Variants in ALDH7A1 observed in about 807,000 individuals in gnomAD.
The protein encoded by ALDH7A1 is alpha-aminoadipic semialdehyde dehydrogenase.
ALDH7A1 carries 63 observed loss-of-function variants against 79.9 expected under a neutral mutation model. That is an observed-to-expected ratio of 0.79 (90% CI 0.64 to 0.97). The LOEUF (loss-of-function observed/expected upper bound fraction) is 0.97, where lower values mean the gene tolerates loss of function less well. Ranked by LOEUF, ALDH7A1 falls within the 50% of genes least tolerant of loss-of-function variation. The pLI, the probability that ALDH7A1 is intolerant of heterozygous loss-of-function variation, is 0.00. For missense variants in ALDH7A1, 627 were observed against 665.2 expected (o/e 0.94, Z 0.63); for synonymous variants, 240 against 231.2 (o/e 1.04, Z -0.34).
At position 126,575,527 on chromosome 5, in the gene ALDH7A1, T is replaced by G. The variant is rs2112792402; in HGVS notation, c.651-63A>C. 6.3e-6 allele frequency: 9 copies of G among 1,436,734 alleles called. No homozygotes were observed. In the South Asian group the frequency reaches 1.1e-4, roughly 18 times the overall value. The allele number at this position is 1,436,734 out of a possible 1,614,324, so 89.0% of individuals were successfully genotyped here. On this transcript the variant is annotated intron_variant, in intron 6 of 17. Coordinates refer to ENST00000409134, the MANE Select transcript of ALDH7A1 (RefSeq NM_001182.5). ...TTATTTGACGGAAACCATAAATACCTTTTATTATCAAACAGAAGCAAAAGT... is the reference window on the plus strand; with the variant it reads ...TTATTTGACGGAAACCATAAATACCGTTTATTATCAAACAGAAGCAAAAGT...
intron 5 of ALDH7A1, among the ~76,000 whole-genome samples, chr5:126,577,625 T>TG (rs1561664327): frequency 6.6e-6 from 1 of 151,994 alleles, no homozygotes; most frequent in African/African-American, 2.4e-5. Flanking sequence ...TGGAGTGGAG[T>TG]GGCGCAATCT....
intron 12 of ALDH7A1, chr5:126,555,482 C>CAAAAAA (rs762878623): frequency 2.7e-4 from 20 of 75,026 alleles, no homozygotes; most frequent in African/African-American, 7.3e-4. Flanking sequence ...AACTGTGTCT[C>CAAAAAA]AAAAAAAAAA....
At position 126,570,838 on chromosome 5, in the gene ALDH7A1, C is replaced by T. The variant is rs768018240; in HGVS notation, c.717G>A (p.Glu239=). 3.1e-6 allele frequency: 5 copies of T among 1,613,818 alleles called. No individual in the cohort carries two copies. The African/African-American group carries it at 4.0e-5, about 13-fold the overall frequency. ...AAATTGCACCAGGCAGCTTGTTGTCCTCCAGAACCTTGGCTATTATCCTAG... is the reference window on the plus strand; with the variant it reads ...AAATTGCACCAGGCAGCTTGTTGTCTTCCAGAACCTTGGCTATTATCCTAG... ...AVTKIIAKVL[E]DNKLPGAICS... is the part of the protein sequence containing the mutation. The change falls in exon 8 of 18, where the codon GAG becomes GAA. Residue 239 remains glutamate, a synonymous_variant. Transcript: ENST00000409134.
At chr5:126,549,190 A>G (rs1296539763) in intron 16 of ALDH7A1, among the ~76,000 whole-genome samples, 1 of 152,120 alleles carries the variant, frequency 6.6e-6, no homozygotes, top group Non-Finnish European at 1.5e-5. Flanking sequence ...GCATTCAGGC[A>G]ACTGCACAGT....
chr5:126,591,479 A>C, intron 3 of ALDH7A1, among the ~76,000 whole-genome samples: 1 of 138,018 alleles, frequency 7.2e-6, no homozygotes, highest in Non-Finnish European at 1.5e-5. Context: ...CCTTGCAATC[A>C]CTCACTCAGA....
chr5:126,566,534 A>G (rs10050642), intron 9 of ALDH7A1, among the ~76,000 whole-genome samples: 52,638 of 152,066 alleles, frequency 0.35, 14,200 homozygotes, highest in African/African-American at 0.76. Context: ...GTCAAATGTT[A>G]TCTTATGCTG....
chr5:126,593,248 C>A, intron 2 of ALDH7A1, 103 bp downstream of exon 2: 1 of 1,527,544 alleles, frequency 6.5e-7, no homozygotes. Flanking sequence ...CTTGACCTGC[C>A]TAACTGGCTT....
At chr5:126,592,466 T>G (rs929711987) in intron 3 of ALDH7A1, 198 bp downstream of exon 3, 11 of 601,452 alleles carry the variant, frequency 1.8e-5, no homozygotes, top group Non-Finnish European at 3.2e-5. Context: ...GAATGGCAAG[T>G]ACAAAAAAGG....
intron 3 of ALDH7A1, chr5:126,588,374 G>C (rs1046492858): frequency 3.3e-5 from 5 of 152,050 alleles, no homozygotes; most frequent in Non-Finnish European, 2.9e-5. Flanking sequence ...GGCTACTCAG[G>C]AAGATGAGGC....
At chr5:126,564,440 G>T in intron 9 of ALDH7A1, 1 of 934,472 alleles carries the variant, frequency 1.1e-6, no homozygotes, top group Non-Finnish European at 1.4e-6. Flanking sequence ...GAGCCACTGT[G>T]CCCAGCCTTA....
intron 12 of ALDH7A1, among the ~76,000 whole-genome samples, chr5:126,555,673 G>A (rs750632071): frequency 6.6e-6 from 1 of 152,008 alleles, no homozygotes; most frequent in South Asian, 2.1e-4. Flanking sequence ...GCTTGGACAA[G>A]GGTAATAGTA....
chr5:126,594,428 TA>T, intron 1 of ALDH7A1: 1 of 283,654 alleles, frequency 3.5e-6, no homozygotes, highest in South Asian at 3.1e-5. Context: ...CCCAAGACCA[TA>T]AGGTTTTAAT....
Position 126,546,366 on chromosome 5 carries a change from G to A in ALDH7A1, c.1523C>T (p.Ser508Phe). ...GEKHTGGGRE[S>F]GSDAWKQYMR... ...GTACTGTTTCCAGGCATCACTGCCA[G>A]ACTCCCTGCCACCACCAGTGTGCTT... is the stretch of plus-strand genomic sequence containing the variant. The change falls in exon 17 of 18, where the codon TCT (serine) becomes TTT (phenylalanine). Residue 508 changes from serine (S) to phenylalanine (F), a missense_variant. Transcript: ENST00000409134. 1 of 1,614,180 alleles carries A rather than the reference G, an allele frequency of 6.2e-7. No homozygotes were observed. Among genetic ancestry groups the A allele is most frequent in the South Asian group, 1.1e-5 (1 of 91,088 alleles).
At chr5:126,586,743 G>C (rs868599985) in intron 3 of ALDH7A1, 4 of 152,562 alleles carry the variant, frequency 2.6e-5, no homozygotes, top group Middle Eastern at 3.4e-3. Flanking sequence ...CATGGGGTTA[G>C]AGGGGTACAG....
intron 1 of ALDH7A1, chr5:126,594,048 A>G (rs1253734662): frequency 1.1e-5 from 4 of 354,072 alleles, no homozygotes; most frequent in Non-Finnish European, 2.3e-5. Context: ...TAACTGTTAC[A>G]TAACATCCTC....
chr5:126,557,721 C>CA (rs755422574), intron 11 of ALDH7A1, among the ~76,000 whole-genome samples: 13 of 152,036 alleles, frequency 8.6e-5, no homozygotes, highest in Admixed American at 2.0e-4. Flanking sequence ...TGAATGAGAG[C>CA]AAAAACCCAA....
chr5:126,588,001 T>C (rs1054018134), intron 3 of ALDH7A1: 4 of 152,252 alleles, frequency 2.6e-5, no homozygotes, highest in East Asian at 1.9e-4. Context: ...ATTCTATTTG[T>C]TGGGAGGTCT....
chr5:126,575,626 C>T (rs1293488115), intron 6 of ALDH7A1, among the ~76,000 whole-genome samples, 162 bp from the exon 7 acceptor site: 1 of 152,212 alleles, frequency 6.6e-6, no homozygotes, highest in Non-Finnish European at 1.5e-5. Flanking sequence ...TGTCCTTCAG[C>T]TGGGTGTCTT....
At chr5:126,593,669 AG>A in intron 1 of ALDH7A1, 1 of 582,886 alleles carries the variant, frequency 1.7e-6, no homozygotes, top group Non-Finnish European at 3.0e-6. Context: ...TAACATAAGC[AG>A]TTATTTTGTC....
Sources: allele counts gnomAD v4.1 joint callset (sites outside exome capture counted in the v4.1 genomes callset), GRCh38; gene constraint gnomAD v4.1.1; transcripts MANE v1.5; gene names NCBI Gene and HGNC (gene_info 2026-07-23, HGNC 2026-07-21).